Variants in ACTR3C observed in about 807,000 individuals in gnomAD.
ACTR3C encodes the protein actin related protein 3C, also known as actin-related protein 3C.
A neutral mutation model predicts 26.3 loss-of-function variants in ACTR3C; 18 were observed. The ratio of observed to expected loss-of-function variants is 0.68; its 90% confidence interval spans 0.47 to 1.01. The LOEUF (loss-of-function observed/expected upper bound fraction) is 1.01, where lower values mean the gene tolerates loss of function less well. ACTR3C is among the 50% of genes least tolerant of loss of function. The probability of loss-of-function intolerance (pLI) is 0.00; values close to 1 mark genes in which losing one functional copy is unlikely to be tolerated. For missense variants in ACTR3C, 184 were observed against 250.7 expected, an observed-to-expected ratio of 0.73 and a Z score of 1.80; for synonymous variants, 55 against 94.5, an observed-to-expected ratio of 0.58 and a Z score of 2.42.
downstream of ACTR3C, chr7:150,244,057 T>C (rs1832333092): frequency 6.6e-6 from 1 of 151,774 alleles, no homozygotes; most frequent in Admixed American, 6.6e-5. Flanking sequence ...ATGTAGTCAT[T>C]CAGTATTCAG....
chr7:150,233,606 G>C, the ACTR3C span, among the ~76,000 whole-genome samples: 1 of 151,874 alleles, frequency 6.6e-6, no homozygotes, highest in Non-Finnish European at 1.5e-5. Flanking sequence ...AACTTGTTCT[G>C]TTGATGAACC....
At chr7:149,999,446 C>T in the ACTR3C span, among the ~76,000 whole-genome samples, 8 of 150,452 alleles carry the variant, frequency 5.3e-5, no homozygotes, top group South Asian at 2.2e-4. Context: ...ATAGAGGCCT[C>T]GGAACAAGCG....
the ACTR3C span, among the ~76,000 whole-genome samples, chr7:150,064,085 T>G: frequency 2.0e-5 from 3 of 152,004 alleles, no homozygotes; most frequent in Non-Finnish European, 4.4e-5. Flanking sequence ...ATGCCCAGGG[T>G]ATGATGTGCC....
chr7:150,143,967 T>C, the ACTR3C span, among the ~76,000 whole-genome samples: 1 of 152,194 alleles, frequency 6.6e-6, no homozygotes. Context: ...CCGGTGTAGC[T>C]TCTCCCCTCC....
chr7:150,215,860 T>C, the ACTR3C span, among the ~76,000 whole-genome samples: 3 of 152,184 alleles, frequency 2.0e-5, no homozygotes, highest in East Asian at 5.8e-4. Flanking sequence ...TATCAAATGG[T>C]GTAAATGCTA....
At chr7:150,261,594 TGGGAGGCTGAGGCA>T (rs1382719399) in intron 6 of ACTR3C, among the ~76,000 whole-genome samples, 13 of 152,210 alleles carry the variant, frequency 8.5e-5, no homozygotes, top group African/African-American at 3.1e-4. Context: ...CCCAGCTACT[TGGGAGGCTGAGGCA>T]GCAGAATTGC....
At chr7:149,901,910 C>CAA in the ACTR3C span, among the ~76,000 whole-genome samples, 8 of 56,760 alleles carry the variant, frequency 1.4e-4, no homozygotes, top group African/African-American at 5.2e-4. Flanking sequence ...GACTCTGTCT[C>CAA]AAAAAAAAAA....
At chr7:149,913,602 G>A in the ACTR3C span, among the ~76,000 whole-genome samples, 1 of 151,966 alleles carries the variant, frequency 6.6e-6, no homozygotes, top group Non-Finnish European at 1.5e-5. Context: ...CAGATTCCCA[G>A]GGGCCGTGCG....
chr7:149,919,649 TCCATG>T, the ACTR3C span, among the ~76,000 whole-genome samples: 1 of 152,230 alleles, frequency 6.6e-6, no homozygotes, highest in South Asian at 2.1e-4. Flanking sequence ...TTTAGTTGAG[TCCATG>T]CCAGGTGAGG....
chr7:150,033,150 G>A, the ACTR3C span, among the ~76,000 whole-genome samples: 2 of 152,256 alleles, frequency 1.3e-5, no homozygotes, highest in African/African-American at 4.8e-5. Context: ...CAGGGTAGAT[G>A]AGTGTCCCCT....
chr7:150,035,566 G>T, the ACTR3C span, among the ~76,000 whole-genome samples: 2 of 41,486 alleles, frequency 4.8e-5, no homozygotes, highest in African/African-American at 1.8e-4. Flanking sequence ...CCGCAGAGCC[G>T]GGGGGGAAGA....
chr7:149,907,658 G>C, the ACTR3C span, among the ~76,000 whole-genome samples: 5 of 151,734 alleles, frequency 3.3e-5, no homozygotes, highest in Non-Finnish European at 5.9e-5. Flanking sequence ...ATGAAATCCT[G>C]ATAATAACTG....
the ACTR3C span, among the ~76,000 whole-genome samples, chr7:150,007,415 G>A: frequency 1.3e-5 from 2 of 152,328 alleles, no homozygotes; most frequent in South Asian, 2.1e-4. Flanking sequence ...AACCTCTAAA[G>A]GTGGACAGGG....
In ACTR3C at chr7:150,274,153, G is replaced by T. The variant is rs1834664695; in HGVS notation, c.564+10600C>A. ...AAAGCAAGGCTGGGCAAAATGACGT[G>T]GGAAAAAGCGCCGAGGTGCAGTCTA... On this transcript the variant is annotated intron_variant, in intron 6 of 7. Transcript: ENST00000683684. The surrounding 1 kb of genome is among the most constrained non-coding windows in gnomAD (Gnocchi z 4.1). 6.6e-6 allele frequency among the ~76,000 whole-genome samples: 1 copy of T among 152,076 alleles called. No homozygotes were observed. The highest frequency in any genetic ancestry group is 2.1e-4 in the South Asian group (1 of 4,832).
the ACTR3C span, among the ~76,000 whole-genome samples, chr7:150,236,451 T>C: frequency 6.6e-6 from 1 of 152,160 alleles, no homozygotes; most frequent in Non-Finnish European, 1.5e-5. Flanking sequence ...CATGAACCAA[T>C]TGCCAGTAAC....
chr7:150,322,295 T>G (rs1797604057), intron 1 of ACTR3C, among the ~76,000 whole-genome samples: 1 of 152,158 alleles, frequency 6.6e-6, no homozygotes, highest in African/African-American at 2.4e-5. Flanking sequence ...GGTTAGGCAT[T>G]CTAAGTCACA....
rs560563175 is a variant in ACTR3C, at chr7:150,253,795, G to A, written c.565-4741C>T. On this transcript the variant is annotated intron_variant, in intron 6 of 7. Coordinates refer to ENST00000683684, the MANE Select transcript of ACTR3C (RefSeq NM_001164458.2). ...TAATAATTGAAACAATATGCCATGC[G>A]ATCCCCTCTAACTGTGCAGATGTAA... Among the ~76,000 whole-genome samples the A allele has an allele frequency of 2.7e-3, 407 of 151,974 alleles. 3 individuals carry two copies. The highest frequency in any genetic ancestry group is 9.3e-3 in the African/African-American group (383 of 41,352).
the ACTR3C span, among the ~76,000 whole-genome samples, chr7:149,993,028 C>T: frequency 6.6e-6 from 1 of 151,296 alleles, no homozygotes; most frequent in African/African-American, 2.4e-5. Context: ...AAGAAGCATC[C>T]AGCACAGGAT....
At chr7:149,907,053 G>A in the ACTR3C span, among the ~76,000 whole-genome samples, 2 of 8,432 alleles carry the variant, frequency 2.4e-4, no homozygotes, top group South Asian at 4.2e-3. Context: ...AGGCAGGGAC[G>A]GGGCTTGAGG....
Sources: gnomAD v4.1 joint callset for allele counts (sites outside exome capture counted in the v4.1 genomes callset) on GRCh38, gnomAD v4.1.1 for gene constraint, Gnocchi (gnomAD v3.1) non-coding constraint, MANE v1.5 for transcripts, NCBI Gene and HGNC (gene_info 2026-07-23, HGNC 2026-07-21) for gene names.